SHTN1: variants seen among roughly 807,000 people sequenced by gnomAD.
SHTN1 encodes the protein shootin 1, also known as shootin-1.
A neutral mutation model predicts 83.1 loss-of-function variants in SHTN1; 42 were observed. The ratio of observed to expected loss-of-function variants is 0.51; its 90% CI spans 0.39 to 0.65. The LOEUF (loss-of-function observed/expected upper bound fraction) is 0.65. Among genes scored for constraint, SHTN1 ranks in the 30% least tolerant of loss-of-function variants. The pLI, the probability that SHTN1 is intolerant of heterozygous loss-of-function variation, is 0.00. For missense variants in SHTN1, 622 were observed against 737.8 expected (o/e 0.84, Z 1.82); for synonymous variants, 224 against 247.7 (o/e 0.90, Z 0.90).
chr10:116,975,813 A>G (rs1850784862), intron 2 of SHTN1, among the ~76,000 whole-genome samples: 1 of 152,222 alleles, frequency 6.6e-6, no homozygotes, highest in Non-Finnish European at 1.5e-5. Context: ...ATACAAGTAC[A>G]CACATACATA....
chr10:116,905,327 G>C (rs1044343915), intron 15 of SHTN1, among the ~76,000 whole-genome samples: 1 of 152,126 alleles, frequency 6.6e-6, no homozygotes, highest in African/African-American at 2.4e-5. Context: ...TATGTTACGG[G>C]GAGGCTGCAT....
chr10:116,921,843 AG>A (rs1025309209), intron 11 of SHTN1, among the ~76,000 whole-genome samples: 1 of 152,152 alleles, frequency 6.6e-6, no homozygotes, highest in African/African-American at 2.4e-5. Flanking sequence ...ACTATGTTAG[AG>A]GGGGAGGGAA....
chr10:117,091,823 A>G (rs1269502318), intron 1 of SHTN1, among the ~76,000 whole-genome samples: 2 of 152,244 alleles, frequency 1.3e-5, no homozygotes, highest in East Asian at 3.9e-4. Context: ...GGTTTCTCTA[A>G]GCCCTCTTCC....
At chr10:116,996,450 C>G (rs1009015821) in intron 1 of SHTN1, among the ~76,000 whole-genome samples, 8 of 152,246 alleles carry the variant, frequency 5.3e-5, no homozygotes, top group African/African-American at 1.9e-4. Context: ...ATCACCACAA[C>G]AGCTTTTGTA....
chr10:117,122,180 G>A (rs1431655457), intron 1 of SHTN1, among the ~76,000 whole-genome samples: 1 of 149,274 alleles, frequency 6.7e-6, no homozygotes. Flanking sequence ...GCTATTTATT[G>A]TTTGTTTGTT....
At chr10:116,901,634 A>C in intron 16 of SHTN1, 131 bp downstream of exon 16, 1 of 1,354,038 alleles carries the variant, frequency 7.4e-7, no homozygotes, top group Non-Finnish European at 9.4e-7. Context: ...TGGCCCATCA[A>C]ATGAAAAGAA....
intron 11 of SHTN1, among the ~76,000 whole-genome samples, chr10:116,926,581 C>G (rs1378801555): frequency 6.6e-6 from 1 of 152,152 alleles, no homozygotes; most frequent in Non-Finnish European, 1.5e-5. Flanking sequence ...AAGGCAAAGT[C>G]CCATTTTCAT....
At chr10:116,912,310 G>A (rs1848230746) in intron 13 of SHTN1, among the ~76,000 whole-genome samples, 2 of 152,192 alleles carry the variant, frequency 1.3e-5, no homozygotes, top group African/African-American at 4.8e-5. Context: ...ACCAGCTATG[G>A]GAGGAGGTCA....
intron 1 of SHTN1, among the ~76,000 whole-genome samples, chr10:117,103,560 CGG>C (rs1197415555): frequency 3.6e-5 from 3 of 82,800 alleles, no homozygotes; most frequent in Non-Finnish European, 6.3e-5. Flanking sequence ...TTTTTTGAGA[CGG>C]AGTCTCGCTC....
intron 1 of SHTN1, among the ~76,000 whole-genome samples, chr10:117,124,860 CA>C (rs1350700496): frequency 6.6e-6 from 1 of 152,158 alleles, no homozygotes; most frequent in Non-Finnish European, 1.5e-5. Context: ...TTCACATGGC[CA>C]ATAAAAGTCA....
At chr10:117,102,769 G>A (rs1345026567) in intron 1 of SHTN1, among the ~76,000 whole-genome samples, 4 of 152,066 alleles carry the variant, frequency 2.6e-5, no homozygotes, top group Admixed American at 2.0e-4. Context: ...TATTCTCTCA[G>A]TGATGAAAAA....
intron 6 of SHTN1, among the ~76,000 whole-genome samples, chr10:116,951,689 T>C (rs1222157501): frequency 6.6e-6 from 1 of 152,258 alleles, no homozygotes; most frequent in Non-Finnish European, 1.5e-5. Context: ...GTCCATGCTA[T>C]TTCAGAATTT....
chr10:116,930,042 A>T, intron 9 of SHTN1, 40 bp from the exon 10 acceptor site: 2 of 1,380,108 alleles, frequency 1.4e-6, no homozygotes, highest in Non-Finnish European at 2.0e-6. Flanking sequence ...TATGGCTGAC[A>T]GTTTTTCCTT....
At chr10:116,937,733 C>T (rs1468848772) in intron 9 of SHTN1, among the ~76,000 whole-genome samples, 1 of 152,062 alleles carries the variant, frequency 6.6e-6, no homozygotes, top group African/African-American at 2.4e-5. Context: ...GGGAAGTTCT[C>T]CTGGATAATA....
rs779897355 is a variant in SHTN1, at chr10:116,954,262, T to TG, written c.268-53dup. ...TTTAAAAGCAGCCAAATGAGTATCT[T>TG]GGATTTTTAAACAATAGACAAATTA... On this transcript the variant is annotated intron_variant, in intron 4 of 16. Transcript: ENST00000355371. 4.8e-6 allele frequency: 6 copies of TG among 1,260,266 alleles called. No individual in the cohort carries two copies. The South Asian group carries it at 7.2e-5, about 15-fold the overall frequency. 78.1% of individuals were successfully genotyped at this position (1,260,266 alleles called of 1,614,324 possible).
chr10:116,936,908 G>A (rs4752019), intron 9 of SHTN1, among the ~76,000 whole-genome samples: 146,095 of 152,256 alleles, frequency 0.96, 70,396 homozygotes, highest in East Asian at 1. Context: ...TACCTTTACC[G>A]TTATGTAATG....
At chr10:117,018,566 C>CG (rs1852215448) in intron 2 of SHTN1, among the ~76,000 whole-genome samples, 1 of 80,176 alleles carries the variant, frequency 1.2e-5, no homozygotes, top group African/African-American at 3.0e-5. Flanking sequence ...TCTGCTCTCA[C>CG]CATTTTTTTT....
intron 13 of SHTN1, among the ~76,000 whole-genome samples, chr10:116,913,020 C>A (rs10886017): frequency 0.32 from 48,683 of 152,104 alleles, 8,612 homozygotes; most frequent in African/African-American, 0.47. Flanking sequence ...CCAGTCCATA[C>A]GCACTAAGAC....
At chr10:116,965,875 A>G (rs575318886) in intron 3 of SHTN1, among the ~76,000 whole-genome samples, 3 of 152,210 alleles carry the variant, frequency 2.0e-5, no homozygotes, top group Non-Finnish European at 4.4e-5. Context: ...AATGCTCTTC[A>G]CTGGTGATAA....
Sources: allele counts gnomAD v4.1 joint callset (sites outside exome capture counted in the v4.1 genomes callset), GRCh38; gene constraint gnomAD v4.1.1; transcripts MANE v1.5; gene names NCBI Gene and HGNC (gene_info 2026-07-23, HGNC 2026-07-21).